The following DRAXIN variants were observed in gnomAD, a reference collection of about 807,000 sequenced individuals.
DRAXIN encodes the protein dorsal repulsive axon guidance protein.
A neutral mutation model predicts 33.9 loss-of-function variants in DRAXIN; 27 were observed. The observed-to-expected ratio is 0.80, with a 90% CI of 0.59 to 1.10. The LOEUF (loss-of-function observed/expected upper bound fraction) is 1.10, where lower values mean the gene tolerates loss of function less well. DRAXIN is among the 50% of genes least tolerant of loss of function. The pLI is 0.00. For synonymous variants in DRAXIN, 178 were observed against 194.0 expected, an observed-to-expected ratio of 0.92 and a Z score of 0.69; for missense variants, 371 against 460.8, an observed-to-expected ratio of 0.81 and a Z score of 1.78.
chr1:11,710,637 G>A lies in DRAXIN; in HGVS notation c.642+1172G>A, dbSNP rs555246142. Among the ~76,000 whole-genome samples, 13 of 152,052 alleles carry A rather than the reference G, an allele frequency of 8.5e-5. 1 individual carries two copies. The highest frequency in any genetic ancestry group is 3.4e-3 in the Middle Eastern group (1 of 294). ...TGTGGCTTTTAAAGGTTTTCAGGCC[G>A]GGCGCGGTGGCTCATGCCTGTAATC... On this transcript the variant is annotated intron_variant, in intron 3 of 6. Transcript: ENST00000294485.
rs1397714405 is a variant in DRAXIN at position 11,704,109 on chromosome 1, G to A, written c.-10-2140G>A. Among the ~76,000 whole-genome samples the A allele has an allele frequency of 6.6e-6, 1 of 152,166 alleles. No homozygotes were observed. The highest frequency in any genetic ancestry group is 1.5e-5 in the Non-Finnish European group (1 of 68,034). On this transcript the variant is annotated intron_variant, in intron 1 of 6. Transcript: ENST00000294485. This position sits in a 1 kb window ranked among gnomAD's most constrained non-coding sequence, Gnocchi z 4.6. ...TCTACTGAGCCTCCTCTGCTCTCTT[G>A]CCCGCACTGTCTGGGTTTTCTTCCT... is the stretch of plus-strand genomic sequence containing the variant.
intron 5 of DRAXIN, 142 bp downstream of exon 5, chr1:11,712,571 C>A: frequency 1.2e-6 from 1 of 801,800 alleles, no homozygotes; most frequent in Non-Finnish European, 2.0e-6. Context: ...CTGCCACTTT[C>A]CTGAGAGTTG....
rs1641353844 is a variant in DRAXIN, at chr1:11,704,817, G to A, written c.-10-1432G>A. On this transcript the variant is annotated intron_variant, in intron 1 of 6. Transcript: ENST00000294485. The surrounding 1 kb of genome is among the most constrained non-coding windows in gnomAD (Gnocchi z 4.6). ...CCACAGTTCTAGGAAGAGCTGAGCTGTGGACAGTGGAGGCCAGGGCCCAGG... is the reference window on the plus strand; with the variant it reads ...CCACAGTTCTAGGAAGAGCTGAGCTATGGACAGTGGAGGCCAGGGCCCAGG... 6.6e-6 allele frequency among the ~76,000 whole-genome samples: 1 copy of A among 152,242 alleles called. No individual in the cohort carries two copies. Among genetic ancestry groups the A allele is most frequent in the Non-Finnish European group, 1.5e-5 (1 of 68,042 alleles).
At chr1:11,691,468 C>T (rs1641064402), upstream of DRAXIN, 1 of 152,576 alleles carries the variant, frequency 6.6e-6, no homozygotes, top group Non-Finnish European at 1.5e-5. Flanking sequence ...GCTGCGCCCG[C>T]CTTTGTCTGC....
chr1:11,725,393 G>A lies in DRAXIN; in HGVS notation c.*5697G>A, dbSNP rs1416264174. The stretch of plus-strand genomic sequence containing the variant: ...CCACGCCTACTGAGCCAGAATCTCT[G>A]GGGGTGGGGCCCAGCCATTTGGCTT... On this transcript the variant is annotated 3_prime_UTR_variant, in exon 7 of 7. Transcript: ENST00000294485. The A allele has an allele frequency of 6.6e-6, 1 of 152,250 alleles. No individual in the cohort carries two copies. The highest frequency in any genetic ancestry group is 1.5e-5 in the Non-Finnish European group (1 of 68,038). The allele number at this position is 152,250 out of a possible 1,614,324, so 9.4% of individuals were successfully genotyped here.
intron 1 of DRAXIN, among the ~76,000 whole-genome samples, chr1:11,702,256 TG>T (rs1166956966): frequency 1.4e-5 from 2 of 146,514 alleles, no homozygotes; most frequent in African/African-American, 5.1e-5. Context: ...CACACACACA[TG>T]CACATACACA....
rs1641348016 is a variant in DRAXIN at position 11,704,440 on chromosome 1, AGTGACAGG to A, written c.-10-1808_-10-1801del. The stretch of plus-strand genomic sequence containing the variant: ...TTCCCTCTGCGCCGAACAATGCTTG[AGTGACAGG>A]CCTTTAAAATGGGCCCCTCCTCCCC... On this transcript the variant is annotated intron_variant, in intron 1 of 6. Coordinates refer to ENST00000294485, the MANE Select transcript of DRAXIN (RefSeq NM_198545.4). This position sits in a 1 kb window ranked among gnomAD's most constrained non-coding sequence, Gnocchi z 4.6. 6.6e-6 allele frequency among the ~76,000 whole-genome samples: 1 copy of A among 150,836 alleles called. No homozygotes were observed.
At chr1:11,716,879 C>T (rs992941263) in intron 6 of DRAXIN, among the ~76,000 whole-genome samples, 3 of 152,218 alleles carry the variant, frequency 2.0e-5, no homozygotes, top group Admixed American at 2.0e-4. Context: ...TTGCTCTGGA[C>T]ACTGGGGGGT....
chr1:11,713,860 C>T (rs1430443147), intron 5 of DRAXIN, among the ~76,000 whole-genome samples: 1 of 152,054 alleles, frequency 6.6e-6, no homozygotes, highest in South Asian at 2.1e-4. Context: ...CCATGAAACC[C>T]CATCTCTACT....
chr1:11,694,153 C>G lies in DRAXIN; in HGVS notation c.-11+2300C>G, dbSNP rs977012088. On this transcript the variant is annotated intron_variant, in intron 1 of 6. Transcript: ENST00000294485. The surrounding 1 kb of genome is among the most constrained non-coding windows in gnomAD (Gnocchi z 4.9). ...GGCATAATCCCTATCTGGGAGGGGT[C>G]TGCTCCTCCCTGGGTGGGGGCTGGG... Among the ~76,000 whole-genome samples, 1 of 152,154 alleles carries G rather than the reference C, an allele frequency of 6.6e-6. No homozygotes were observed. The highest frequency in any genetic ancestry group is 2.4e-5 in the African/African-American group (1 of 41,438).
At chr1:11,703,973 C>T (rs890735128) in intron 1 of DRAXIN, among the ~76,000 whole-genome samples, 1 of 152,158 alleles carries the variant, frequency 6.6e-6, no homozygotes, top group Non-Finnish European at 1.5e-5. Flanking sequence ...AGGAGCTGTC[C>T]TCCAAGACCA....
Position 11,696,457 on chromosome 1 carries a change from G to C in DRAXIN, c.-11+4604G>C, listed in dbSNP as rs1170970447. On this transcript the variant is annotated intron_variant, in intron 1 of 6. Transcript: ENST00000294485. The surrounding 1 kb of genome is among the most constrained non-coding windows in gnomAD (Gnocchi z 4.7). Reference sequence around the variant, plus strand: ...AAAAATTAGCCGGGCATGGTGGTGGGAGCCTGTAATCCCAGTTACTCGGAA... The same window carrying C: ...AAAAATTAGCCGGGCATGGTGGTGGCAGCCTGTAATCCCAGTTACTCGGAA... Among the ~76,000 whole-genome samples, 1 of 151,964 alleles carries C rather than the reference G, an allele frequency of 6.6e-6. No individual in the cohort carries two copies. The highest frequency in any genetic ancestry group is 1.5e-5 in the Non-Finnish European group (1 of 67,990).
intron 2 of DRAXIN, 70 bp from the exon 3 acceptor site, chr1:11,709,205 G>C (rs746005887): frequency 3.4e-6 from 5 of 1,460,998 alleles, no homozygotes; most frequent in Non-Finnish European, 4.6e-6. Context: ...CATAAAACGT[G>C]GGTTCTACTG....
rs1641678074 is a variant in DRAXIN at position 11,723,026 on chromosome 1, C to T, written c.*3330C>T. 6.6e-6 allele frequency: 1 copy of T among 152,042 alleles called. No individual in the cohort carries two copies. The highest frequency in any genetic ancestry group is 1.5e-5 in the Non-Finnish European group (1 of 68,028). 9.4% of individuals were successfully genotyped at this position (152,042 alleles called of 1,614,324 possible). A position where few individuals can be genotyped will look rare whatever the true frequency, so the allele number is the denominator to read the frequency against. Reference sequence around the variant, plus strand: ...ATTTTTAGTAGAGATAAGGTTTTACCATGTTGGCCAGGCTGGTCTCAAACT... The same window carrying T: ...ATTTTTAGTAGAGATAAGGTTTTACTATGTTGGCCAGGCTGGTCTCAAACT... On this transcript the variant is annotated 3_prime_UTR_variant, in exon 7 of 7. Coordinates refer to ENST00000294485, the MANE Select transcript of DRAXIN (RefSeq NM_198545.4).
At chr1:11,689,526 G>A (rs1388110282), upstream of DRAXIN, among the ~76,000 whole-genome samples, 1 of 152,262 alleles carries the variant, frequency 6.6e-6, no homozygotes, top group East Asian at 1.9e-4. Context: ...AACCCGGGAG[G>A]TGGAGGTTGC....
At chr1:11,703,229 C>T (rs1007944632) in intron 1 of DRAXIN, among the ~76,000 whole-genome samples, 1 of 152,188 alleles carries the variant, frequency 6.6e-6, no homozygotes, top group African/African-American at 2.4e-5. Context: ...CACACGAGGT[C>T]TTCAAGAGCA....
intron 6 of DRAXIN, among the ~76,000 whole-genome samples, chr1:11,715,412 CTG>C (rs2100743074): frequency 6.6e-6 from 1 of 152,362 alleles, no homozygotes; most frequent in Non-Finnish European, 1.5e-5. Context: ...CCTTCCCAAT[CTG>C]TGAACTCATT....
intron 1 of DRAXIN, among the ~76,000 whole-genome samples, chr1:11,702,587 C>T (rs1641311022): frequency 6.6e-6 from 1 of 151,374 alleles, no homozygotes; most frequent in Admixed American, 6.6e-5. Context: ...ACCTACACAC[C>T]CATACATATT....
upstream of DRAXIN, among the ~76,000 whole-genome samples, chr1:11,688,515 C>T (rs1641002134): frequency 6.6e-6 from 1 of 151,692 alleles, no homozygotes; most frequent in South Asian, 2.1e-4. The surrounding 1 kb of genome is among the most constrained non-coding windows in gnomAD (Gnocchi z 4.6). Context: ...GAGCCAAGAT[C>T]GCGCCACTGC....
Sources: gnomAD v4.1 joint callset for allele counts (sites outside exome capture counted in the v4.1 genomes callset) on GRCh38, gnomAD v4.1.1 for gene constraint, Gnocchi (gnomAD v3.1) non-coding constraint, MANE v1.5 for transcripts, NCBI Gene and HGNC (gene_info 2026-07-23, HGNC 2026-07-21) for gene names.